The following VIT variants were observed in gnomAD, a reference collection of about 807,000 sequenced individuals.
VIT encodes the protein vitrin.
Under a neutral mutation model 78.0 loss-of-function variants are expected in VIT, and 99 were observed. The observed-to-expected ratio is 1.27, with a 90% CI of 1.08 to 1.50. The LOEUF (loss-of-function observed/expected upper bound fraction) is 1.50. Among genes scored for constraint, VIT ranks in the 40% most tolerant of loss-of-function variants. VIT has a pLI of 0.00. For missense variants in VIT, 1,126 were observed against 875.3 expected (o/e 1.29, Z -3.61); for synonymous variants, 374 against 334.3 (o/e 1.12, Z -1.29).
At chr2:36,745,788 C>T (rs1027490788) in intron 4 of VIT, among the ~76,000 whole-genome samples, 14 of 152,068 alleles carry the variant, frequency 9.2e-5, no homozygotes, top group African/African-American at 3.4e-4. Flanking sequence ...TATTTAAATT[C>T]CTTTAATGTA....
chr2:36,772,358 G>A (rs1378627744), intron 7 of VIT, among the ~76,000 whole-genome samples: 2 of 152,066 alleles, frequency 1.3e-5, no homozygotes, highest in Non-Finnish European at 2.9e-5. Flanking sequence ...CCGACATGGA[G>A]AAAACCCATC....
chr2:36,775,683 C>T (rs757141871), intron 9 of VIT, among the ~76,000 whole-genome samples: 7 of 152,096 alleles, frequency 4.6e-5, no homozygotes, highest in Non-Finnish European at 7.4e-5. Flanking sequence ...GTTCCTTTAC[C>T]TTCAAATCCT....
intron 12 of VIT, among the ~76,000 whole-genome samples, chr2:36,798,439 G>A (rs751728252): frequency 1.3e-5 from 2 of 152,180 alleles, no homozygotes; most frequent in East Asian, 1.9e-4. Context: ...AGTGTACATA[G>A]CATTTACTGA....
At chr2:36,717,308 C>T (rs927842972) in intron 2 of VIT, among the ~76,000 whole-genome samples, 1 of 147,316 alleles carries the variant, frequency 6.8e-6, no homozygotes, top group Admixed American at 6.8e-5. Context: ...CCTGGGACTA[C>T]AGGCTCCCAC....
At chr2:36,776,166 C>A (rs1002587465) in intron 9 of VIT, among the ~76,000 whole-genome samples, 10 of 152,202 alleles carry the variant, frequency 6.6e-5, no homozygotes, top group Non-Finnish European at 1.0e-4. Context: ...CACTATTAGA[C>A]GTAACTATCC....
intron 13 of VIT, 117 bp downstream of exon 13, chr2:36,801,521 C>A: frequency 9.1e-6 from 9 of 987,044 alleles, no homozygotes; most frequent in Non-Finnish European, 1.4e-5. Context: ...CAAGAAATAA[C>A]TTCTGGTCGG....
At chr2:36,756,630 C>G (rs965449354) in intron 5 of VIT, among the ~76,000 whole-genome samples, 4 of 152,186 alleles carry the variant, frequency 2.6e-5, no homozygotes, top group Admixed American at 6.5e-5. Context: ...AAATTCTACA[C>G]GCCCACAGTT....
At chr2:36,804,377 A>ACAGCCAG (rs1666550086) in intron 13 of VIT, among the ~76,000 whole-genome samples, 1 of 152,204 alleles carries the variant, frequency 6.6e-6, no homozygotes, top group African/African-American at 2.4e-5. Context: ...ACAGCTCTGT[A>ACAGCCAG]CAGCCAGCAG....
chr2:36,766,702 A>G (rs984968502), intron 6 of VIT, among the ~76,000 whole-genome samples: 7 of 152,210 alleles, frequency 4.6e-5, no homozygotes, highest in African/African-American at 1.4e-4. Flanking sequence ...GAAAGCCCCA[A>G]ATGCACCTTC....
intron 7 of VIT, among the ~76,000 whole-genome samples, chr2:36,771,369 T>C (rs1378700797): frequency 2.0e-5 from 3 of 151,742 alleles, no homozygotes; most frequent in African/African-American, 7.3e-5. Context: ...CTACTAAAAA[T>C]ACAAAAATTA....
At chr2:36,797,412 T>C (rs550073488) in intron 12 of VIT, among the ~76,000 whole-genome samples, 39 of 152,126 alleles carry the variant, frequency 2.6e-4, no homozygotes, top group Middle Eastern at 3.4e-3. Flanking sequence ...ACGGAAAGGA[T>C]GGGAGAAATG....
At chr2:36,712,259 A>G (rs1000109329) in intron 1 of VIT, among the ~76,000 whole-genome samples, 13 of 152,346 alleles carry the variant, frequency 8.5e-5, no homozygotes, top group Middle Eastern at 3.4e-3. Context: ...CACGTATTCT[A>G]AGATACTAGA....
intron 11 of VIT, among the ~76,000 whole-genome samples, chr2:36,785,643 G>A (rs1665043695): frequency 6.6e-6 from 1 of 152,142 alleles, no homozygotes; most frequent in Non-Finnish European, 1.5e-5. Flanking sequence ...GGCACTGAAC[G>A]CCCAGGCAGA....
intron 3 of VIT, among the ~76,000 whole-genome samples, chr2:36,741,484 G>C (rs1239852376): frequency 6.6e-6 from 1 of 152,152 alleles, no homozygotes; most frequent in Non-Finnish European, 1.5e-5. Context: ...AAGATTGTCT[G>C]GGATGGGTGT....
intron 3 of VIT, among the ~76,000 whole-genome samples, chr2:36,742,599 A>C (rs1667900437): frequency 6.6e-6 from 1 of 152,100 alleles, no homozygotes; most frequent in South Asian, 2.1e-4. Flanking sequence ...CATCCCTACC[A>C]ATCTACCATC....
chr2:36,714,808 G>C (rs1666023012), intron 1 of VIT, among the ~76,000 whole-genome samples: 1 of 152,116 alleles, frequency 6.6e-6, no homozygotes, highest in South Asian at 2.1e-4. Flanking sequence ...TGTTCAATGA[G>C]GATCATAAAA....
intron 5 of VIT, among the ~76,000 whole-genome samples, chr2:36,756,285 G>T (rs10179914): frequency 0.86 from 130,753 of 151,984 alleles, 56,347 homozygotes; most frequent in Admixed American, 0.92. Flanking sequence ...CACCTTATAC[G>T]TACCCTACTC....
chr2:36,807,936 A>G (rs1165261865), intron 14 of VIT, among the ~76,000 whole-genome samples: 4 of 152,128 alleles, frequency 2.6e-5, no homozygotes. Flanking sequence ...ATTTAATGAG[A>G]GAATCATTCC....
At chr2:36,813,326 G>A (rs1466903752) in intron 15 of VIT, among the ~76,000 whole-genome samples, 1 of 152,142 alleles carries the variant, frequency 6.6e-6, no homozygotes, top group East Asian at 2.0e-4. Flanking sequence ...GGCACATGCT[G>A]TAATCCTAGC....
Sources: allele counts gnomAD v4.1 joint callset (sites outside exome capture counted in the v4.1 genomes callset), GRCh38; gene constraint gnomAD v4.1.1; transcripts MANE v1.5; gene names NCBI Gene and HGNC (gene_info 2026-07-23, HGNC 2026-07-21).